Variants in PHLPP2 observed in about 807,000 individuals in gnomAD.
PHLPP2 encodes PH domain leucine-rich repeat-containing protein phosphatase 2.
A neutral mutation model predicts 124.9 loss-of-function variants in PHLPP2; 66 were observed. That is an observed-to-expected ratio of 0.53 (90% confidence interval 0.43 to 0.65). The LOEUF (loss-of-function observed/expected upper bound fraction) is 0.65, where lower values mean the gene tolerates loss of function less well. Among genes scored for constraint, PHLPP2 ranks in the 30% least tolerant of loss-of-function variants. PHLPP2 has a pLI of 0.00. For synonymous variants in PHLPP2, 681 were observed against 624.7 expected (o/e 1.09, Z -1.34); for missense variants, 1,685 against 1,600.4 (o/e 1.05, Z -0.90).
chr16:71,681,687 G>T, intron 6 of PHLPP2, 64 bp downstream of exon 6: 3 of 1,264,644 alleles, frequency 2.4e-6, no homozygotes, highest in Non-Finnish European at 3.3e-6. Flanking sequence ...GCAGGTAGAA[G>T]CCATAAGATA....
intron 13 of PHLPP2, among the ~76,000 whole-genome samples, chr16:71,663,063 T>C (rs186878067): frequency 2.6e-3 from 391 of 152,292 alleles, no homozygotes; most frequent in Non-Finnish European, 4.0e-3. Context: ...TGACCGGCAA[T>C]GTATGCATAT....
At chr16:71,656,418 T>A (rs1391076665) in intron 16 of PHLPP2, among the ~76,000 whole-genome samples, 153 bp downstream of exon 16, 1 of 152,224 alleles carries the variant, frequency 6.6e-6, no homozygotes, top group Non-Finnish European at 1.5e-5. Context: ...AACGTTATCA[T>A]GATCCCAAAG....
chr16:71,651,149 A>C (rs1417092556), intron 18 of PHLPP2, among the ~76,000 whole-genome samples: 1 of 152,008 alleles, frequency 6.6e-6, no homozygotes, highest in Non-Finnish European at 1.5e-5. Context: ...TACCAGCCTG[A>C]CCAACATGGA....
chr16:71,650,308 G>T (rs996739160), intron 18 of PHLPP2, among the ~76,000 whole-genome samples: 2 of 152,170 alleles, frequency 1.3e-5, no homozygotes, highest in African/African-American at 2.4e-5. Context: ...TTAACATGAA[G>T]AACAGGCCTC....
At position 71,649,707 on chromosome 16, in the gene PHLPP2, G is replaced by A. The variant is rs1432030543; in HGVS notation, c.3155C>T (p.Pro1052Leu). ...CEMNGLTLPGPVGFASTTTIK... is the reference protein window; with the variant it reads ...CEMNGLTLPGLVGFASTTTIK... The stretch of plus-strand genomic sequence containing the variant: ...AGTGGTGGTTGAAGCAAATCCCACA[G>A]GACCTGGGAGGGTGAGCCCATTCAT... Residue 1052 changes from proline to leucine, a missense_variant, in exon 19 of 19, where the codon CCT becomes CTT. Pro to Leu is a moderately conservative substitution (Grantham distance 98, BLOSUM62 -3). Coordinates refer to ENST00000568954, the MANE Select transcript of PHLPP2 (RefSeq NM_015020.3). 1 of 1,614,052 alleles carries A rather than the reference G, an allele frequency of 6.2e-7. No individual in the cohort carries two copies. Among genetic ancestry groups the A allele is most frequent in the Non-Finnish European group, 8.5e-7 (1 of 1,180,012 alleles).
At chr16:71,688,425 T>A (rs2045074083) in intron 4 of PHLPP2, among the ~76,000 whole-genome samples, 1 of 152,218 alleles carries the variant, frequency 6.6e-6, no homozygotes, top group Admixed American at 6.5e-5. Flanking sequence ...GGCTCTTTCA[T>A]AGGCAGATAT....
At chr16:71,698,214 G>A (rs1218648308) in intron 3 of PHLPP2, among the ~76,000 whole-genome samples, 1 of 152,130 alleles carries the variant, frequency 6.6e-6, no homozygotes, top group African/African-American at 2.4e-5. Flanking sequence ...CAAGAGCAGG[G>A]CCCGCCACTT....
At position 71,648,127 on chromosome 16, in the gene PHLPP2, G is replaced by C. The variant is rs374209609; in HGVS notation, c.*763C>G. On this transcript the variant is annotated 3_prime_UTR_variant, in exon 19 of 19. Coordinates refer to ENST00000568954, the MANE Select transcript of PHLPP2 (RefSeq NM_015020.3). ...AGAAGAATGAAAAGCCATGTGACTA[G>C]TCACATCACACCCCATTAGTCTGAG... 3 of 152,756 alleles carry C rather than the reference G, an allele frequency of 2.0e-5. No homozygotes were observed. The highest frequency in any genetic ancestry group is 4.1e-4 in the South Asian group (2 of 4,830). 9.5% of individuals were successfully genotyped at this position (152,756 alleles called of 1,614,324 possible). A position where few individuals can be genotyped will look rare whatever the true frequency, so the allele number is the denominator to read the frequency against.
At chr16:71,722,573 ACC>A (rs1251177370) in intron 1 of PHLPP2, among the ~76,000 whole-genome samples, 1 of 152,220 alleles carries the variant, frequency 6.6e-6, no homozygotes, top group Non-Finnish European at 1.5e-5. Context: ...CATCGTACTA[ACC>A]TTCATAACAT....
intron 8 of PHLPP2, chr16:71,677,641 A>C (rs533691973): frequency 6.6e-6 from 1 of 151,828 alleles, no homozygotes; most frequent in African/African-American, 2.4e-5. Context: ...AAAAAAAAAA[A>C]AACTCTCTTA....
At chr16:71,665,455 T>C (rs1198971826) in intron 12 of PHLPP2, among the ~76,000 whole-genome samples, 1 of 152,268 alleles carries the variant, frequency 6.6e-6, no homozygotes, top group African/African-American at 2.4e-5. Flanking sequence ...GCTAACATAG[T>C]GTTTAGTATA....
chr16:71,690,709 T>C lies in PHLPP2; in HGVS notation c.419A>G (p.Glu140Gly). 6.2e-7 allele frequency: 1 copy of C among 1,603,508 alleles called. No homozygotes were observed. Among genetic ancestry groups the C allele is most frequent in the Non-Finnish European group, 8.5e-7 (1 of 1,173,176 alleles). The change falls in exon 4 of 19, where the codon GAA becomes GGA. Residue 140 changes from glutamate (E) to glycine (G), a missense_variant and splice_region_variant. Transcript: ENST00000568954. ...DLGCMIRFYG[E>G]KPCHMDRLDR... Reference sequence around the variant, plus strand: ...CAAACGATCCATGTGGCATGGTTTTTCTGAAAAGGAAATAATACTTCAGAA... The same window carrying C: ...CAAACGATCCATGTGGCATGGTTTTCCTGAAAAGGAAATAATACTTCAGAA...
Position 71,676,455 on chromosome 16 carries a change from C to A in PHLPP2, c.1463G>T (p.Ser488Ile). ...CTGCAGAGAAAACTCACTGTTGGAA[C>A]TGGCATAGAGGGTCCGAAGGGAAAA... The part of the protein sequence containing the change: ...SGFSLRTLYA[S>I]SNRLTAVNVY... Residue 488 changes from serine to isoleucine, a missense_variant, in exon 9 of 19, where the codon AGT (serine) becomes ATT (isoleucine). By Grantham distance (142) the Ser-to-Ile change is moderately radical (BLOSUM62 -2). Transcript: ENST00000568954. 1 of 1,613,388 alleles carries A rather than the reference C, an allele frequency of 6.2e-7. No homozygotes were observed. Among genetic ancestry groups the A allele is most frequent in the Non-Finnish European group, 8.5e-7 (1 of 1,179,394 alleles).
intron 11 of PHLPP2, 66 bp downstream of exon 11, chr16:71,669,209 A>G: frequency 8.6e-7 from 1 of 1,156,478 alleles, no homozygotes; most frequent in Non-Finnish European, 1.3e-6. Context: ...AATCTAGAAA[A>G]AAATTTAAAT....
intron 9 of PHLPP2, among the ~76,000 whole-genome samples, chr16:71,676,238 A>G (rs1161126903): frequency 3.3e-5 from 5 of 152,166 alleles, no homozygotes; most frequent in Non-Finnish European, 5.9e-5. Context: ...ATGCTCAATT[A>G]GTAAAGCTCA....
chr16:71,722,162 T>C (rs1219753888), intron 1 of PHLPP2, among the ~76,000 whole-genome samples: 2 of 152,184 alleles, frequency 1.3e-5, no homozygotes, highest in Non-Finnish European at 2.9e-5. Context: ...CCGGGCGTGG[T>C]GGCTCATCCT....
rs577107762 is a variant in PHLPP2 at position 71,723,948 on chromosome 16, C to T, written c.-7+381G>A. 346 of 388,084 alleles carry T rather than the reference C, an allele frequency of 8.9e-4. 10 individuals carry two copies. The South Asian group carries it at 0.028, about 32-fold the overall frequency. The allele number at this position is 388,084 out of a possible 1,614,324, so 24.0% of individuals were successfully genotyped here. ...GGCGGCGCGCGCGAGCAACCGGTGG[C>T]CCCGCCCCCCGCGGCCCGCCGGCTC... On this transcript the variant is annotated intron_variant, in intron 1 of 18. Coordinates refer to ENST00000568954, the MANE Select transcript of PHLPP2 (RefSeq NM_015020.3).
chr16:71,652,963 G>A lies in PHLPP2; in HGVS notation c.2644C>T (p.Pro882Ser), dbSNP rs569703138. 1 of 1,614,036 alleles carries A rather than the reference G, an allele frequency of 6.2e-7. No individual in the cohort carries two copies. Among genetic ancestry groups the A allele is most frequent in the African/African-American group, 1.3e-5 (1 of 75,048 alleles). ...CTACTTGCTGGATCGGCAGTGTCAGGGCGGATGTAGCACAGGAGAGCGGAG... is the reference window on the plus strand; with the variant it reads ...CTACTTGCTGGATCGGCAGTGTCAGAGCGGATGTAGCACAGGAGAGCGGAG... Reference protein sequence around the residue: ...GSSALLCYIRPDTADPASSFS... With the variant: ...GSSALLCYIRSDTADPASSFS... Residue 882 changes from proline to serine, a missense_variant, in exon 18 of 19, where the codon CCT becomes TCT. By Grantham distance (74) the Pro-to-Ser change is moderately conservative. Coordinates refer to ENST00000568954, the MANE Select transcript of PHLPP2 (RefSeq NM_015020.3).
Position 71,681,914 on chromosome 16 carries a change from T to A in PHLPP2, c.736-9A>T. The A allele has an allele frequency of 6.3e-7, 1 of 1,589,872 alleles. No individual in the cohort carries two copies. The highest frequency in any genetic ancestry group is 1.1e-5 in the South Asian group (1 of 87,030). On this transcript the variant is annotated splice_polypyrimidine_tract_variant and intron_variant, in intron 5 of 18. Coordinates refer to ENST00000568954, the MANE Select transcript of PHLPP2 (RefSeq NM_015020.3). ...ATTCGCTGGGACACCACCTGAATAA[T>A]GTCAAAGAGAAGAGCCTTCTGAGCT...
Sources: gnomAD v4.1 joint callset for allele counts (sites outside exome capture counted in the v4.1 genomes callset) on GRCh38, gnomAD v4.1.1 for gene constraint, MANE v1.5 for transcripts, NCBI Gene and HGNC (gene_info 2026-07-23, HGNC 2026-07-21) for gene names.